Variants in ROR1 observed in about 807,000 individuals in gnomAD.
ROR1 encodes ROR family WNT receptor 1.
Under a neutral mutation model 78.8 loss-of-function variants are expected in ROR1, and 19 were observed. That is an observed-to-expected ratio of 0.24 (90% CI 0.17 to 0.35). The LOEUF is 0.35. Among genes scored for constraint, ROR1 ranks in the 10% least tolerant of loss-of-function variants. ROR1 has a pLI of 1.00. For synonymous variants in ROR1, 386 were observed against 433.6 expected, an observed-to-expected ratio of 0.89 and a Z score of 1.36; for missense variants, 917 against 1,177.8, an observed-to-expected ratio of 0.78 and a Z score of 3.24.
chr1:64,062,791 C>T (rs1342639319), intron 4 of ROR1, among the ~76,000 whole-genome samples: 1 of 152,178 alleles, frequency 6.6e-6, no homozygotes, highest in Non-Finnish European at 1.5e-5. Context: ...TCACAACAAA[C>T]ATAGCTAATG....
chr1:64,122,322 C>A (rs1011837431), intron 4 of ROR1, among the ~76,000 whole-genome samples: 1 of 152,216 alleles, frequency 6.6e-6, no homozygotes, highest in Non-Finnish European at 1.5e-5. Context: ...CCTTTCTCTT[C>A]AGACCTCTTG....
rs1650448043 is a variant in ROR1 at position 64,178,322 on chromosome 1, C to G, written c.2281C>G (p.Pro761Ala). ...GLSSHTSSTT[P>A]SGGNATTQTT... ...CTCAAGTCACACAAGCTCTACTACTCCTTCAGGGGGAAATGCCACCACACA... is the reference window on the plus strand; with the variant it reads ...CTCAAGTCACACAAGCTCTACTACTGCTTCAGGGGGAAATGCCACCACACA... The change falls in exon 9 of 9, where the codon CCT becomes GCT. Residue 761 changes from proline to alanine, a missense_variant. Transcript: ENST00000371079. The surrounding 1 kb of genome is among the most constrained non-coding windows in gnomAD (Gnocchi z 4.3). 6.2e-7 allele frequency: 1 copy of G among 1,614,150 alleles called. No homozygotes were observed. Among genetic ancestry groups the G allele is most frequent in the Non-Finnish European group, 8.5e-7 (1 of 1,180,030 alleles).
intron 4 of ROR1, among the ~76,000 whole-genome samples, chr1:64,079,825 G>A (rs146823990): frequency 8.4e-5 from 9 of 106,724 alleles, no homozygotes; most frequent in African/African-American, 3.6e-4. Context: ...TAAGAACTGT[G>A]GAAACAATCT....
At chr1:63,877,771 A>G (rs1428204061) in intron 1 of ROR1, among the ~76,000 whole-genome samples, 4 of 152,198 alleles carry the variant, frequency 2.6e-5, no homozygotes, top group Admixed American at 6.5e-5. Context: ...ATCAGCTCCT[A>G]TATATTTATT....
At chr1:63,888,483 G>A (rs1645372430) in intron 1 of ROR1, among the ~76,000 whole-genome samples, 1 of 151,990 alleles carries the variant, frequency 6.6e-6, no homozygotes, top group Non-Finnish European at 1.5e-5. Flanking sequence ...AATTAGCTGG[G>A]CATGGTGCAT....
intron 1 of ROR1, among the ~76,000 whole-genome samples, chr1:64,006,652 A>G (rs529388747): frequency 1.1e-4 from 16 of 152,294 alleles, no homozygotes; most frequent in African/African-American, 3.4e-4. Context: ...GATCCCTGCC[A>G]TACTGCCTAT....
intron 1 of ROR1, among the ~76,000 whole-genome samples, chr1:63,918,676 C>T (rs1309013594): frequency 1.3e-5 from 2 of 152,158 alleles, no homozygotes; most frequent in Non-Finnish European, 2.9e-5. Context: ...TTGTGAAACA[C>T]TCTATATACT....
intron 8 of ROR1, among the ~76,000 whole-genome samples, chr1:64,166,967 A>G (rs554937908): frequency 2.0e-5 from 3 of 152,340 alleles, no homozygotes; most frequent in Admixed American, 1.3e-4. Context: ...GTACTTCAAT[A>G]TCTCAATAGA....
intron 1 of ROR1, among the ~76,000 whole-genome samples, chr1:63,886,981 C>T (rs1407770187): frequency 6.6e-6 from 1 of 152,212 alleles, no homozygotes; most frequent in Non-Finnish European, 1.5e-5. Flanking sequence ...CCTCACTCTT[C>T]CACACTCTGT....
chr1:63,789,359 C>A, intron 1 of ROR1: 1 of 388,938 alleles, frequency 2.6e-6, no homozygotes, highest in Non-Finnish European at 4.8e-6. Flanking sequence ...TGATTCCTCC[C>A]ATTAAGTGGC....
chr1:63,936,023 T>A (rs1271853845), intron 1 of ROR1, among the ~76,000 whole-genome samples: 4 of 152,188 alleles, frequency 2.6e-5, no homozygotes, highest in African/African-American at 9.7e-5. Context: ...AAAGGGAGAT[T>A]AACCAGGAAT....
In ROR1 at chr1:64,158,039, C is replaced by A. The variant is rs376481548; in HGVS notation, c.1175-942C>A. Among the ~76,000 whole-genome samples the A allele has an allele frequency of 3.5e-4, 53 of 152,250 alleles. 3 individuals carry two copies. In the South Asian group the frequency reaches 4.8e-3, roughly 14 times the overall value. ...CCCCTCTAATTACTATCCCATAATT[C>A]TGTGTTTGTTTTACCAGTCAAATAA... On this transcript the variant is annotated intron_variant, in intron 7 of 8. Coordinates refer to ENST00000371079, the MANE Select transcript of ROR1 (RefSeq NM_005012.4).
chr1:64,169,541 G>A (rs1331395556), intron 8 of ROR1, among the ~76,000 whole-genome samples: 1 of 152,134 alleles, frequency 6.6e-6, no homozygotes, highest in Non-Finnish European at 1.5e-5. Flanking sequence ...AATTCAAGAT[G>A]AGATTTGGGT....
intron 1 of ROR1, among the ~76,000 whole-genome samples, chr1:63,923,745 C>T (rs779075946): frequency 9.2e-5 from 14 of 151,622 alleles, no homozygotes; most frequent in African/African-American, 1.7e-4. Context: ...AACTCTTCAG[C>T]GGTTTCCAAT....
chr1:64,114,979 T>C (rs1297927670), intron 4 of ROR1, among the ~76,000 whole-genome samples: 1 of 152,146 alleles, frequency 6.6e-6, no homozygotes, highest in Non-Finnish European at 1.5e-5. Flanking sequence ...TGTTTGCTTG[T>C]TTTTGAGACG....
intron 1 of ROR1, among the ~76,000 whole-genome samples, chr1:63,926,436 G>A (rs1645704579): frequency 6.6e-6 from 1 of 152,184 alleles, no homozygotes; most frequent in African/African-American, 2.4e-5. Context: ...TTGAAGTCAG[G>A]TAGTGTGATG....
chr1:63,834,598 CTT>C (rs1645008947), intron 1 of ROR1, among the ~76,000 whole-genome samples: 1 of 152,124 alleles, frequency 6.6e-6, no homozygotes. Flanking sequence ...GCACATGGGA[CTT>C]AGGCTTACTC....
intron 1 of ROR1, among the ~76,000 whole-genome samples, chr1:63,795,548 C>G (rs1253767084): frequency 6.6e-6 from 1 of 152,104 alleles, no homozygotes. Flanking sequence ...GCTGAGCAAG[C>G]TCATGGAGTA....
chr1:63,868,846 A>G (rs1645233676), intron 1 of ROR1, among the ~76,000 whole-genome samples: 1 of 152,210 alleles, frequency 6.6e-6, no homozygotes, highest in African/African-American at 2.4e-5. Context: ...AACTTTATTC[A>G]AGACATAGGT....
Sources: allele counts gnomAD v4.1 joint callset (sites outside exome capture counted in the v4.1 genomes callset), GRCh38; gene constraint gnomAD v4.1.1; non-coding constraint Gnocchi (gnomAD v3.1); transcripts MANE v1.5; gene names NCBI Gene and HGNC (gene_info 2026-07-23, HGNC 2026-07-21).